Variants in BNC2 observed in about 807,000 individuals in gnomAD.
BNC2 encodes basonuclin zinc finger protein 2, also known as zinc finger protein basonuclin-2.
Under a neutral mutation model 76.3 loss-of-function variants are expected in BNC2, and 20 were observed. The observed-to-expected ratio is 0.26, with a 90% CI of 0.18 to 0.38. BNC2 has a LOEUF of 0.38. BNC2 is among the 10% of genes least tolerant of loss of function. The pLI is 1.00. For missense variants in BNC2, 1,382 were observed against 1,399.8 expected, an observed-to-expected ratio of 0.99 and a Z score of 0.20; for synonymous variants, 582 against 514.8, an observed-to-expected ratio of 1.13 and a Z score of -1.77.
At chr9:16,550,898 A>G (rs1428570024) in intron 5 of BNC2, among the ~76,000 whole-genome samples, 1 of 152,192 alleles carries the variant, frequency 6.6e-6, no homozygotes, top group Admixed American at 6.5e-5. Flanking sequence ...CATTCAAAAC[A>G]GACATTAATA....
At chr9:16,506,490 A>ACACTT (rs1267482378) in intron 5 of BNC2, among the ~76,000 whole-genome samples, 1 of 138,402 alleles carries the variant, frequency 7.2e-6, no homozygotes, top group African/African-American at 2.8e-5. Context: ...CAGATAAAGT[A>ACACTT]CACTTCTCTC....
At chr9:16,781,075 G>C (rs1826140331) in intron 1 of BNC2, among the ~76,000 whole-genome samples, 1 of 151,666 alleles carries the variant, frequency 6.6e-6, no homozygotes, top group South Asian at 2.1e-4. Flanking sequence ...CTTTTTTTTA[G>C]AGTGGGCACT....
At chr9:16,455,233 T>C (rs1821421078) in intron 5 of BNC2, among the ~76,000 whole-genome samples, 1 of 152,194 alleles carries the variant, frequency 6.6e-6, no homozygotes, top group South Asian at 2.1e-4. Context: ...GGCCAGAGTT[T>C]GAGATATATC....
At chr9:16,832,731 T>C in intron 1 of BNC2, among the ~76,000 whole-genome samples, 1 of 152,080 alleles carries the variant, frequency 6.6e-6, no homozygotes, top group East Asian at 1.9e-4. Flanking sequence ...AATTCCTTTT[T>C]TTTTTCTTTT....
At chr9:16,721,894 T>C (rs1178944982) in intron 3 of BNC2, among the ~76,000 whole-genome samples, 2 of 151,044 alleles carry the variant, frequency 1.3e-5, no homozygotes, top group African/African-American at 4.9e-5. Context: ...AATTCCAATT[T>C]CTTTTCCTCT....
intron 4 of BNC2, among the ~76,000 whole-genome samples, chr9:16,578,318 G>C (rs1286039061): frequency 6.6e-6 from 1 of 151,972 alleles, no homozygotes; most frequent in Admixed American, 6.6e-5. Context: ...TAATGGTTTA[G>C]AAATAAAGTC....
intron 5 of BNC2, among the ~76,000 whole-genome samples, chr9:16,472,205 A>G (rs1015844313): frequency 2.0e-5 from 3 of 152,222 alleles, no homozygotes; most frequent in Non-Finnish European, 4.4e-5. Context: ...ACACAAAGGG[A>G]AAGGAGTCTG....
chr9:16,531,773 T>G (rs1817982322), intron 5 of BNC2, among the ~76,000 whole-genome samples: 2 of 152,196 alleles, frequency 1.3e-5, no homozygotes, highest in Admixed American at 1.3e-4. Flanking sequence ...TCAACCCATC[T>G]AAATGAATTT....
At chr9:16,627,416 T>C (rs1012995330) in intron 3 of BNC2, among the ~76,000 whole-genome samples, 1 of 151,996 alleles carries the variant, frequency 6.6e-6, no homozygotes, top group South Asian at 2.1e-4. Context: ...CCAAAGAATA[T>C]GGTTCGGCCT....
At chr9:16,555,356 A>G (rs1818794979) in intron 4 of BNC2, among the ~76,000 whole-genome samples, 1 of 152,110 alleles carries the variant, frequency 6.6e-6, no homozygotes, top group African/African-American at 2.4e-5. Context: ...AGAGCACTAA[A>G]CTGTTAAGGG....
At chr9:16,443,249 T>C (rs1821166517) in intron 5 of BNC2, among the ~76,000 whole-genome samples, 1 of 148,800 alleles carries the variant, frequency 6.7e-6, no homozygotes, top group Admixed American at 6.6e-5. Flanking sequence ...CACTGACCTG[T>C]AGGGACTGCT....
chr9:16,792,496 G>C (rs1817540610), intron 1 of BNC2, among the ~76,000 whole-genome samples: 1 of 152,142 alleles, frequency 6.6e-6, no homozygotes, highest in Non-Finnish European at 1.5e-5. Flanking sequence ...AGTTCTGCTG[G>C]GAAATTTTCA....
intron 1 of BNC2, among the ~76,000 whole-genome samples, chr9:16,843,719 G>C (rs894539446): frequency 6.6e-6 from 1 of 152,162 alleles, no homozygotes; most frequent in African/African-American, 2.4e-5. Context: ...GCTACTTTAG[G>C]TTTACCATGT....
At chr9:16,492,089 T>C (rs1346283745) in intron 5 of BNC2, among the ~76,000 whole-genome samples, 2 of 152,122 alleles carry the variant, frequency 1.3e-5, no homozygotes, top group Non-Finnish European at 2.9e-5. Flanking sequence ...GTTCATTCTA[T>C]CAAAATTAAG....
rs189895388 is a variant in BNC2, at chr9:16,419,550, G to C, written c.2739C>G (p.Arg913=). Residue 913 remains arginine, a synonymous_variant, in exon 7 of 7, where the codon CGC becomes CGG. Transcript: ENST00000380672. ...SSQPSLSKDL[R]DEFLVKIYGA... ...CATATATCTTCACCAAAAATTCATC[G>C]CGGAGGTCCTTGCTAAGGGAGGGCT... 6.2e-7 allele frequency: 1 copy of C among 1,613,958 alleles called. No individual in the cohort carries two copies. The highest frequency in any genetic ancestry group is 1.3e-5 in the African/African-American group (1 of 74,974).
intron 5 of BNC2, among the ~76,000 whole-genome samples, chr9:16,502,406 T>TG: frequency 1.3e-5 from 2 of 152,248 alleles, no homozygotes; most frequent in Non-Finnish European, 2.9e-5. Flanking sequence ...AATTTTTTTT[T>TG]TTAACACAGG....
At chr9:16,712,704 A>G (rs1823885247) in intron 3 of BNC2, among the ~76,000 whole-genome samples, 1 of 152,204 alleles carries the variant, frequency 6.6e-6, no homozygotes, top group African/African-American at 2.4e-5. Flanking sequence ...TACACTTGAG[A>G]CAGCTTGTAA....
intron 3 of BNC2, among the ~76,000 whole-genome samples, chr9:16,723,931 TGTCA>T (rs1202210574): frequency 6.6e-6 from 1 of 152,116 alleles, no homozygotes; most frequent in African/African-American, 2.4e-5. Flanking sequence ...TGTAAGAGAA[TGTCA>T]GACAGTTGTT....
chr9:16,667,866 T>C (rs373216131), intron 3 of BNC2, among the ~76,000 whole-genome samples: 3 of 152,320 alleles, frequency 2.0e-5, no homozygotes, highest in South Asian at 4.1e-4. Context: ...TGGGCTTACC[T>C]ATTCTCCACT....
Sources: allele counts gnomAD v4.1 joint callset (sites outside exome capture counted in the v4.1 genomes callset), GRCh38; gene constraint gnomAD v4.1.1; transcripts MANE v1.5; gene names NCBI Gene and HGNC (gene_info 2026-07-23, HGNC 2026-07-21).